PEMT: variants seen among roughly 807,000 people sequenced by gnomAD.
PEMT encodes phospholipid methyltransferase.
In PEMT, 23 loss-of-function variants were observed where a neutral mutation model predicts 27.4. The observed-to-expected ratio is 0.84, with a 90% confidence interval of 0.60 to 1.19. The LOEUF is 1.19. PEMT is among the 50% of genes most tolerant of loss of function. The pLI is 0.00. For missense variants in PEMT, 307 were observed against 310.1 expected, an observed-to-expected ratio of 0.99 and a Z score of 0.07; for synonymous variants, 137 against 139.1, an observed-to-expected ratio of 0.98 and a Z score of 0.11.
intron 2 of PEMT, among the ~76,000 whole-genome samples, chr17:17,574,315 CTTTTTT>C (rs551467639): frequency 9.3e-4 from 103 of 110,708 alleles, no homozygotes; most frequent in Non-Finnish European, 1.7e-3. Context: ...CTTACTGCAT[CTTTTTT>C]TTTTTTTTTT....
intron 2 of PEMT, among the ~76,000 whole-genome samples, chr17:17,535,786 C>T (rs980947294): frequency 6.6e-6 from 1 of 152,136 alleles, no homozygotes; most frequent in East Asian, 1.9e-4. Context: ...GCATTGGGTA[C>T]GGTGGTGCAG....
chr17:17,522,422 G>C (rs765495846), intron 2 of PEMT, 27 bp from the exon 3 acceptor site: 1 of 1,359,706 alleles, frequency 7.4e-7, no homozygotes, highest in Non-Finnish European at 1.1e-6. Context: ...GAACAAGAAC[G>C]AGATATTTCC....
At chr17:17,575,768 C>T (rs549336280) in intron 2 of PEMT, among the ~76,000 whole-genome samples, 9 of 152,182 alleles carry the variant, frequency 5.9e-5, no homozygotes, top group East Asian at 3.9e-4. Context: ...CCTTGTGGGC[C>T]GCCAGAGCAT....
At chr17:17,522,812 ATG>A (rs1342661420) in intron 2 of PEMT, among the ~76,000 whole-genome samples, 2 of 152,176 alleles carry the variant, frequency 1.3e-5, no homozygotes, top group Non-Finnish European at 2.9e-5. Context: ...AGAGGAGCCC[ATG>A]GCTGCAGGAG....
intron 1 of PEMT, among the ~76,000 whole-genome samples, chr17:17,577,645 T>G (rs1346426824): frequency 6.8e-6 from 1 of 147,798 alleles, no homozygotes; most frequent in Admixed American, 6.8e-5. Context: ...ACAACTTAGG[T>G]GTCCAGCAAC....
chr17:17,559,030 C>T (rs1195515283), intron 2 of PEMT, among the ~76,000 whole-genome samples: 1 of 152,208 alleles, frequency 6.6e-6, no homozygotes, highest in Non-Finnish European at 1.5e-5. Flanking sequence ...GAAACCTTCA[C>T]AAAATCCAAA....
At chr17:17,586,296 A>AAC (rs2069109496) in intron 1 of PEMT, among the ~76,000 whole-genome samples, 2 of 142,042 alleles carry the variant, frequency 1.4e-5, no homozygotes, top group Admixed American at 1.4e-4. Flanking sequence ...AAGAAAAAAA[A>AAC]AAACGCAGGT....
chr17:17,542,829 C>G (rs1030282114), intron 2 of PEMT, among the ~76,000 whole-genome samples: 1 of 152,192 alleles, frequency 6.6e-6, no homozygotes, highest in Non-Finnish European at 1.5e-5. Context: ...CCCTCCTTTG[C>G]ACCGTTCGGC....
intron 2 of PEMT, among the ~76,000 whole-genome samples, chr17:17,573,056 G>A (rs1205240237): frequency 2.0e-5 from 3 of 152,164 alleles, no homozygotes; most frequent in Non-Finnish European, 1.5e-5. Context: ...AGGCACAGTG[G>A]TGCATGCCTG....
At position 17,584,473 on chromosome 17, in the gene PEMT, A is replaced by AT. The variant is rs369804128; in HGVS notation, c.96+7057dup. Among the ~76,000 whole-genome samples, 829 of 151,524 alleles carry AT rather than the reference A, an allele frequency of 5.5e-3. 3 individuals carry two copies. The highest frequency in any genetic ancestry group is 0.016 in the African/African-American group (679 of 41,346). The stretch of plus-strand genomic sequence containing the variant: ...ACCGCACCCGGCCCAAACCTGGCTA[A>AT]TTTTTTTTTATTTTGTAGACATGGA... On this transcript the variant is annotated intron_variant, in intron 1 of 6. Coordinates refer to ENST00000255389, the MANE Select transcript of PEMT (RefSeq NM_148172.3).
At chr17:17,546,754 C>T (rs1463491131) in intron 2 of PEMT, among the ~76,000 whole-genome samples, 1 of 152,244 alleles carries the variant, frequency 6.6e-6, no homozygotes, top group Non-Finnish European at 1.5e-5. Context: ...CCCAACAGGG[C>T]TTGCAATTTG....
chr17:17,522,242 C>T, intron 3 of PEMT, 38 bp downstream of exon 3: 1 of 1,476,646 alleles, frequency 6.8e-7, no homozygotes. Context: ...CCCGCTAGCC[C>T]AGGGGTTGTG....
At chr17:17,545,910 C>A (rs777284817) in intron 2 of PEMT, among the ~76,000 whole-genome samples, 5 of 152,088 alleles carry the variant, frequency 3.3e-5, no homozygotes, top group African/African-American at 9.7e-5. Flanking sequence ...TACCGCTCTG[C>A]CTGAAAAACC....
chr17:17,518,047 C>T, intron 3 of PEMT: 2 of 985,548 alleles, frequency 2.0e-6, no homozygotes, highest in Non-Finnish European at 2.4e-6. Flanking sequence ...CCTGGCTGTG[C>T]CCGCCACACC....
intron 2 of PEMT, among the ~76,000 whole-genome samples, chr17:17,546,611 C>A (rs188122034): frequency 1.3e-5 from 2 of 152,326 alleles, no homozygotes; most frequent in Non-Finnish European, 2.9e-5. Flanking sequence ...TGGCCACCTG[C>A]CACCCATCCA....
intron 2 of PEMT, among the ~76,000 whole-genome samples, chr17:17,576,448 G>A (rs1273277015): frequency 6.6e-6 from 1 of 152,186 alleles, no homozygotes; most frequent in Non-Finnish European, 1.5e-5. Context: ...AGGCCGTTTT[G>A]CAGGAAGCCT....
intron 2 of PEMT, among the ~76,000 whole-genome samples, chr17:17,535,395 G>A (rs1045926015): frequency 4.6e-4 from 70 of 151,956 alleles, no homozygotes; most frequent in South Asian, 8.3e-4. Flanking sequence ...GCGAAACCCC[G>A]TCTCTACTAA....
intron 2 of PEMT, 149 bp from the exon 3 acceptor site, chr17:17,522,544 C>T (rs4646400): frequency 0.087 from 55,171 of 636,462 alleles, 3,098 homozygotes; most frequent in African/African-American, 0.19. Context: ...ACCACATGCA[C>T]CCCAGCTGCA....
chr17:17,563,680 G>A (rs955092924), intron 2 of PEMT, among the ~76,000 whole-genome samples: 2 of 152,196 alleles, frequency 1.3e-5, no homozygotes, highest in Non-Finnish European at 2.9e-5. Context: ...TACTGGGACC[G>A]CTGTGTGCCT....
Sources: gnomAD v4.1 joint callset for allele counts (sites outside exome capture counted in the v4.1 genomes callset) on GRCh38, gnomAD v4.1.1 for gene constraint, MANE v1.5 for transcripts, NCBI Gene and HGNC (gene_info 2026-07-23, HGNC 2026-07-21) for gene names.